CTNNA2: variants seen among roughly 807,000 people sequenced by gnomAD.
CTNNA2 encodes catenin alpha-2.
In CTNNA2, 42 loss-of-function variants were observed where a neutral mutation model predicts 101.0. The ratio of observed to expected loss-of-function variants is 0.42; its 90% CI spans 0.32 to 0.54. The LOEUF (loss-of-function observed/expected upper bound fraction) is 0.54, where lower values mean the gene tolerates loss of function less well. Ranked by LOEUF, CTNNA2 falls within the 20% of genes least tolerant of loss-of-function variation. The pLI, the probability that CTNNA2 is intolerant of heterozygous loss-of-function variation, is 0.14. For missense variants in CTNNA2, 871 were observed against 1,223.1 expected (o/e 0.71, Z 4.29); for synonymous variants, 450 against 456.4 (o/e 0.99, Z 0.18).
intron 7 of CTNNA2, among the ~76,000 whole-genome samples, chr2:80,269,845 T>G (rs971967142): frequency 6.6e-6 from 1 of 152,140 alleles, no homozygotes; most frequent in African/African-American, 2.4e-5. Flanking sequence ...ACTGTGTTAT[T>G]TATGAATTAT....
chr2:80,112,883 T>G (rs1701303558), intron 7 of CTNNA2, among the ~76,000 whole-genome samples: 1 of 152,146 alleles, frequency 6.6e-6, no homozygotes, highest in Non-Finnish European at 1.5e-5. Flanking sequence ...CACCTGTTGT[T>G]TGGGATTTTC....
intron 7 of CTNNA2, among the ~76,000 whole-genome samples, chr2:80,204,591 C>T (rs1707414702): frequency 6.6e-6 from 1 of 152,106 alleles, no homozygotes; most frequent in Non-Finnish European, 1.5e-5. Flanking sequence ...TGCCTATTAG[C>T]ATTTTTTGTC....
intron 7 of CTNNA2, among the ~76,000 whole-genome samples, chr2:80,158,979 CCTTA>C (rs747193265): frequency 3.3e-5 from 5 of 151,808 alleles, no homozygotes; most frequent in Non-Finnish European, 7.4e-5. Flanking sequence ...GATTGGGATT[CCTTA>C]CTTATCATTA....
intron 7 of CTNNA2, among the ~76,000 whole-genome samples, chr2:80,339,297 A>G (rs1396969125): frequency 6.6e-6 from 1 of 152,194 alleles, no homozygotes; most frequent in Admixed American, 6.5e-5. Context: ...ACTATGATTT[A>G]TAGTTTGAGT....
At chr2:79,285,425 A>G (rs1356455490) in intron 2 of CTNNA2, among the ~76,000 whole-genome samples, 2 of 148,136 alleles carry the variant, frequency 1.4e-5, no homozygotes. Context: ...ACTGCTTTGA[A>G]TGCGTCCCAG....
At chr2:80,097,686 T>C (rs1700245099) in intron 7 of CTNNA2, among the ~76,000 whole-genome samples, 1 of 152,236 alleles carries the variant, frequency 6.6e-6, no homozygotes, top group Non-Finnish European at 1.5e-5. Context: ...CCCATATTTC[T>C]TGGAGTCTTT....
At chr2:79,982,364 A>AAC (rs1355732691) in intron 7 of CTNNA2, among the ~76,000 whole-genome samples, 58 of 136,394 alleles carry the variant, frequency 4.3e-4, no homozygotes, top group African/African-American at 1.7e-3. Context: ...TAACCTATAT[A>AAC]ACATATATAT....
chr2:80,451,651 C>A (rs1390099386), intron 9 of CTNNA2, among the ~76,000 whole-genome samples: 1 of 152,016 alleles, frequency 6.6e-6, no homozygotes, highest in Non-Finnish European at 1.5e-5. Flanking sequence ...TATGGGTCAA[C>A]CCTTTAATTT....
At chr2:79,964,589 T>C (rs1689895668) in intron 7 of CTNNA2, among the ~76,000 whole-genome samples, 2 of 152,204 alleles carry the variant, frequency 1.3e-5, no homozygotes, top group African/African-American at 4.8e-5. Flanking sequence ...ATGTGCCTTA[T>C]TCCGTGATTT....
intron 7 of CTNNA2, among the ~76,000 whole-genome samples, chr2:80,289,565 T>G (rs1315170337): frequency 1.3e-5 from 2 of 152,218 alleles, no homozygotes; most frequent in African/African-American, 2.4e-5. Flanking sequence ...GTCACTCTAC[T>G]GTGGTGATGG....
At chr2:79,571,789 T>C (rs1675474598) in intron 1 of CTNNA2, among the ~76,000 whole-genome samples, 1 of 152,178 alleles carries the variant, frequency 6.6e-6, no homozygotes, top group African/African-American at 2.4e-5. Flanking sequence ...GTTGATCTAC[T>C]CACTTTTATT....
intron 5 of CTNNA2, among the ~76,000 whole-genome samples, chr2:79,870,781 C>T (rs375437869): frequency 6.6e-6 from 1 of 152,058 alleles, no homozygotes; most frequent in African/African-American, 2.4e-5. Flanking sequence ...AACCATCAGA[C>T]CCCCGTGGGA....
At chr2:79,419,762 G>A (rs1558662815) in intron 4 of CTNNA2, among the ~76,000 whole-genome samples, 1 of 151,998 alleles carries the variant, frequency 6.6e-6, no homozygotes, top group Non-Finnish European at 1.5e-5. Flanking sequence ...AAATAGCGCA[G>A]TCAAAAACAG....
intron 7 of CTNNA2, among the ~76,000 whole-genome samples, chr2:80,344,494 C>T (rs764891949): frequency 9.2e-5 from 14 of 152,060 alleles, no homozygotes; most frequent in Non-Finnish European, 1.9e-4. Flanking sequence ...CTTAACATTC[C>T]CAAATGTCTT....
At chr2:79,559,517 G>C (rs950113762) in intron 1 of CTNNA2, among the ~76,000 whole-genome samples, 1 of 151,932 alleles carries the variant, frequency 6.6e-6, no homozygotes, top group Non-Finnish European at 1.5e-5. Context: ...ACATAGTTGA[G>C]TAAACTTGGG....
chr2:80,008,617 C>T (rs1693548629), intron 7 of CTNNA2, among the ~76,000 whole-genome samples: 1 of 152,148 alleles, frequency 6.6e-6, no homozygotes, highest in South Asian at 2.1e-4. Flanking sequence ...AGTTTCCCTC[C>T]ATGTTTAGGT....
At chr2:79,235,461 T>C (rs1167545284) in intron 2 of CTNNA2, among the ~76,000 whole-genome samples, 1 of 152,090 alleles carries the variant, frequency 6.6e-6, no homozygotes, top group African/African-American at 2.4e-5. Flanking sequence ...GGTCTGCTCC[T>C]GGGCCTTGGA....
At chr2:80,206,609 C>T (rs1426182397) in intron 7 of CTNNA2, among the ~76,000 whole-genome samples, 1 of 152,100 alleles carries the variant, frequency 6.6e-6, no homozygotes, top group Non-Finnish European at 1.5e-5. Flanking sequence ...GAAGCGAGTG[C>T]ATTCTATGTT....
chr2:79,725,124 G>A (rs1391781257), intron 2 of CTNNA2, among the ~76,000 whole-genome samples: 1 of 152,138 alleles, frequency 6.6e-6, no homozygotes, highest in Non-Finnish European at 1.5e-5. Context: ...ATTCCATGAT[G>A]ATATATGTCT....
Sources: allele counts gnomAD v4.1 joint callset (sites outside exome capture counted in the v4.1 genomes callset), GRCh38; gene constraint gnomAD v4.1.1; transcripts MANE v1.5; gene names NCBI Gene and HGNC (gene_info 2026-07-23, HGNC 2026-07-21).